The following CARS1 variants were observed in gnomAD, a reference collection of about 807,000 sequenced individuals.
CARS1 encodes the protein cysteine--tRNA ligase, cytoplasmic.
A neutral mutation model predicts 106.2 loss-of-function variants in CARS1; 48 were observed. The ratio of observed to expected loss-of-function variants is 0.45; its 90% confidence interval spans 0.36 to 0.57. The LOEUF is 0.57. CARS1 is among the 20% of genes least tolerant of loss of function. The probability of loss-of-function intolerance (pLI) is 0.00; values close to 1 mark genes in which losing one functional copy is unlikely to be tolerated. For synonymous variants in CARS1, 409 were observed against 403.4 expected (o/e 1.01, Z -0.17); for missense variants, 968 against 1,057.2 (o/e 0.92, Z 1.17).
Position 3,041,481 on chromosome 11 carries a change from C to T in CARS1, c.367-497G>A, listed in dbSNP as rs766310029. On this transcript the variant is annotated intron_variant, in intron 3 of 22. Coordinates refer to ENST00000380525, the MANE Select transcript of CARS1 (RefSeq NM_001014437.3). The surrounding 1 kb of genome is among the most constrained non-coding windows in gnomAD (Gnocchi z 4.9). ...GGCTTGGAGGCCAGGACCCCTGAAT[C>T]GTGGTGCTGCTCTGGCACCACTCCC... is the stretch of plus-strand genomic sequence containing the variant. Among the ~76,000 whole-genome samples, 1 of 152,136 alleles carries T rather than the reference C, an allele frequency of 6.6e-6. No homozygotes were observed. The highest frequency in any genetic ancestry group is 2.4e-5 in the African/African-American group (1 of 41,422).
rs190942296 is a variant in CARS1, at chr11:3,028,782, G to C, written c.1031+214C>G. 5.5e-6 allele frequency: 3 copies of C among 545,286 alleles called. No individual in the cohort carries two copies. Among genetic ancestry groups the C allele is most frequent in the Admixed American group, 3.3e-5 (1 of 29,876 alleles). The allele number at this position is 545,286 out of a possible 1,614,324, so 33.8% of individuals were successfully genotyped here. A position where few individuals can be genotyped will look rare whatever the true frequency, so the allele number is the denominator to read the frequency against. ...GAGCTTCCCAGCAGATTCTGGGTTA[G>C]GTTCTCACCATGGCCCCCAGGACAG... On this transcript the variant is annotated intron_variant, in intron 9 of 22. Coordinates refer to ENST00000380525, the MANE Select transcript of CARS1 (RefSeq NM_001014437.3). The surrounding 1 kb of genome is among the most constrained non-coding windows in gnomAD (Gnocchi z 4.4).
At position 3,048,211 on chromosome 11, in the gene CARS1, C is replaced by A; in HGVS notation, c.26-210G>T. 1 of 544,990 alleles carries A rather than the reference C, an allele frequency of 1.8e-6. No individual in the cohort carries two copies. The highest frequency in any genetic ancestry group is 3.2e-6 in the Non-Finnish European group (1 of 309,336). The allele number at this position is 544,990 out of a possible 1,614,324, so 33.8% of individuals were successfully genotyped here. On this transcript the variant is annotated intron_variant, in intron 1 of 22. Coordinates refer to ENST00000380525, the MANE Select transcript of CARS1 (RefSeq NM_001014437.3). This position sits in a 1 kb window ranked among gnomAD's most constrained non-coding sequence, Gnocchi z 5.1. Reference sequence around the variant, plus strand: ...ACTGCCTGACAGGTATGGATGGGTTCCCTCTTGGGTGATGAAAATGCTTTG... The same window carrying A: ...ACTGCCTGACAGGTATGGATGGGTTACCTCTTGGGTGATGAAAATGCTTTG...
rs1253693353 is a variant in CARS1 at position 3,054,701 on chromosome 11, T to C, written c.25+2642A>G. ...TTCTCTGAACCTCAGGATTCTCATC[T>C]GTACAAGATGCCGGCAGGATCTTCC... On this transcript the variant is annotated intron_variant, in intron 1 of 22. Transcript: ENST00000380525. 2.0e-5 allele frequency among the ~76,000 whole-genome samples: 3 copies of C among 152,248 alleles called. No homozygotes were observed. In the South Asian group the frequency reaches 6.2e-4, roughly 31 times the overall value.
rs1851407893 is a variant in CARS1 at position 3,019,857 on chromosome 11, C to A, written c.1266+363G>T. ...ATGGTCACGCCCCTTCCTAGGGTAC[C>A]CTGCAGTCAACAACTCCTGTCACCG... On this transcript the variant is annotated intron_variant, in intron 11 of 22. Transcript: ENST00000380525. The surrounding 1 kb of genome is among the most constrained non-coding windows in gnomAD (Gnocchi z 6.2). Among the ~76,000 whole-genome samples, 1 of 152,146 alleles carries A rather than the reference C, an allele frequency of 6.6e-6. No individual in the cohort carries two copies. Among genetic ancestry groups the A allele is most frequent in the African/African-American group, 2.4e-5 (1 of 41,424 alleles).
chr11:3,005,472 G>A (rs1849767119), intron 19 of CARS1, 39 bp from the exon 20 acceptor site: 7 of 1,555,248 alleles, frequency 4.5e-6, no homozygotes, highest in African/African-American at 2.7e-5. Flanking sequence ...TCTGGGCTCT[G>A]TGGGCCGTCC....
rs1851496365 is a variant in CARS1 at position 3,020,728 on chromosome 11, C to T, written c.1154-396G>A. ...GCCACTGGGGCATGGCTCAGGGATCCTGCCTGGTTCATGCGGGTGGGGTCA... is the reference window on the plus strand; with the variant it reads ...GCCACTGGGGCATGGCTCAGGGATCTTGCCTGGTTCATGCGGGTGGGGTCA... On this transcript the variant is annotated intron_variant, in intron 10 of 22. Transcript: ENST00000380525. The surrounding 1 kb of genome is among the most constrained non-coding windows in gnomAD (Gnocchi z 4.6). 6.6e-6 allele frequency among the ~76,000 whole-genome samples: 1 copy of T among 152,300 alleles called. No individual in the cohort carries two copies. The highest frequency in any genetic ancestry group is 2.1e-4 in the South Asian group (1 of 4,824).
chr11:3,013,418 C>T (rs1205961906), intron 17 of CARS1, among the ~76,000 whole-genome samples: 1 of 152,194 alleles, frequency 6.6e-6, no homozygotes, highest in Non-Finnish European at 1.5e-5. Flanking sequence ...TCCCAAAGTG[C>T]TGGGATTACA....
Position 3,017,937 on chromosome 11 carries a change from C to T in CARS1, c.1647G>A (p.Val549=). ...EKFLNEFFLN[V]KDILRAPVDI... ...CAACAGGAGCGCGAAGGATATCTTTCACATTTAAGAAAAACTCCTGAAGTT... is the reference window on the plus strand; with the variant it reads ...CAACAGGAGCGCGAAGGATATCTTTTACATTTAAGAAAAACTCCTGAAGTT... The change falls in exon 15 of 23, where the codon GTG becomes GTA. Residue 549 remains valine, a synonymous_variant. Transcript: ENST00000380525. The surrounding 1 kb of genome is among the most constrained non-coding windows in gnomAD (Gnocchi z 4.9). The T allele has an allele frequency of 6.2e-7, 1 of 1,613,180 alleles. No homozygotes were observed. Among genetic ancestry groups the T allele is most frequent in the South Asian group, 1.1e-5 (1 of 90,866 alleles).
At position 3,017,638 on chromosome 11, in the gene CARS1, C is replaced by T. The variant is rs7394974; in HGVS notation, c.1727+219G>A. 222,772 of 563,000 alleles carry T rather than the reference C, an allele frequency of 0.4. 45,483 individuals are homozygous for T. Among genetic ancestry groups the T allele is most frequent in the African/African-American group, 0.45 (24,064 of 52,978 alleles). The allele number at this position is 563,000 out of a possible 1,614,324, so 34.9% of individuals were successfully genotyped here. A position where few individuals can be genotyped will look rare whatever the true frequency, so the allele number is the denominator to read the frequency against. The stretch of plus-strand genomic sequence containing the variant: ...AGCCTGGGCAACAAGGGCGAAACTC[C>T]GTCTCAAAAAGAAAAAACAAAAAAG... On this transcript the variant is annotated intron_variant, in intron 15 of 22. Coordinates refer to ENST00000380525, the MANE Select transcript of CARS1 (RefSeq NM_001014437.3). This position sits in a 1 kb window ranked among gnomAD's most constrained non-coding sequence, Gnocchi z 4.9.
intron 1 of CARS1, chr11:3,055,041 T>A (rs1308288919): frequency 2.9e-6 from 2 of 692,170 alleles, no homozygotes; most frequent in African/African-American, 3.5e-5. Flanking sequence ...AAGGAAAAGC[T>A]GTACACCCAG....
In CARS1 at chr11:3,004,697, C is replaced by T. The variant is rs372624742; in HGVS notation, c.2217+669G>A. On this transcript the variant is annotated intron_variant, in intron 20 of 22. Coordinates refer to ENST00000380525, the MANE Select transcript of CARS1 (RefSeq NM_001014437.3). The surrounding 1 kb of genome is among the most constrained non-coding windows in gnomAD (Gnocchi z 5.2). ...TTGGGCACCGAGGAACTTGGGCCATCCCTGATCCTGGGGGCGTTGTGGGGT... is the reference window on the plus strand; with the variant it reads ...TTGGGCACCGAGGAACTTGGGCCATTCCTGATCCTGGGGGCGTTGTGGGGT... Among the ~76,000 whole-genome samples, 24 of 152,286 alleles carry T rather than the reference C, an allele frequency of 1.6e-4. No individual in the cohort carries two copies. In the East Asian group the frequency reaches 4.4e-3, roughly 28 times the overall value.
chr11:3,045,411 C>T lies in CARS1; in HGVS notation c.274+2342G>A, dbSNP rs1854977039. Among the ~76,000 whole-genome samples the T allele has an allele frequency of 6.6e-6, 1 of 152,138 alleles. No individual in the cohort carries two copies. Among genetic ancestry groups the T allele is most frequent in the Non-Finnish European group, 1.5e-5 (1 of 68,024 alleles). ...TCCCGAGTAGCTGGGACTATAGGCA[C>T]CCGCCATCACGCCCGGCTAATTTTT... is the stretch of plus-strand genomic sequence containing the variant. On this transcript the variant is annotated intron_variant, in intron 2 of 22. Transcript: ENST00000380525. This position sits in a 1 kb window ranked among gnomAD's most constrained non-coding sequence, Gnocchi z 5.6.
At position 3,025,238 on chromosome 11, in the gene CARS1, A is replaced by AT. The variant is rs999164611; in HGVS notation, c.1153+1437dup. Among the ~76,000 whole-genome samples the AT allele has an allele frequency of 6.1e-4, 92 of 152,032 alleles. 1 individual carries two copies. The highest frequency in any genetic ancestry group is 2.2e-3 in the African/African-American group (90 of 41,458). ...GTTGTCTGGTTTTATTTTATTATAT[A>AT]TTTTTTTGAGACAGAGTCTCATTCT... On this transcript the variant is annotated intron_variant, in intron 10 of 22. Coordinates refer to ENST00000380525, the MANE Select transcript of CARS1 (RefSeq NM_001014437.3).
chr11:3,035,531 G>T (rs577893276), intron 7 of CARS1, among the ~76,000 whole-genome samples: 2 of 152,240 alleles, frequency 1.3e-5, no homozygotes, highest in East Asian at 3.9e-4. Context: ...TGCTGCCCAG[G>T]CTGGAGTGCA....
At chr11:3,013,192 T>C (rs1462975386) in intron 17 of CARS1, among the ~76,000 whole-genome samples, 1 of 151,324 alleles carries the variant, frequency 6.6e-6, no homozygotes, top group East Asian at 1.9e-4. Flanking sequence ...TTTGCTCTCA[T>C]TGCCCAGACT....
Position 3,019,080 on chromosome 11 carries a change from C to A in CARS1, c.1395+59G>T. On this transcript the variant is annotated intron_variant, in intron 12 of 22. Coordinates refer to ENST00000380525, the MANE Select transcript of CARS1 (RefSeq NM_001014437.3). This position sits in a 1 kb window ranked among gnomAD's most constrained non-coding sequence, Gnocchi z 6.2. ...TCTGAGGCCTGGGCTGACTTTTCCT[C>A]CACTGCAGTATGAACACTGTGCTCT... The A allele has an allele frequency of 6.7e-7, 1 of 1,488,810 alleles. No homozygotes were observed. The highest frequency in any genetic ancestry group is 8.9e-7 in the Non-Finnish European group (1 of 1,119,008). The allele number at this position is 1,488,810 out of a possible 1,614,324, so 92.2% of individuals were successfully genotyped here.
rs1855805258 is a variant in CARS1, at chr11:3,052,562, T to C, written c.26-4561A>G. On this transcript the variant is annotated intron_variant, in intron 1 of 22. Transcript: ENST00000380525. The surrounding 1 kb of genome is among the most constrained non-coding windows in gnomAD (Gnocchi z 4.6). ...GATCTTGGATCACATAATTCTTAAA[T>C]GTACCGTCTAGAGCAGGCTAGACGG... Among the ~76,000 whole-genome samples, 1 of 152,314 alleles carries C rather than the reference T, an allele frequency of 6.6e-6. No individual in the cohort carries two copies. The highest frequency in any genetic ancestry group is 1.5e-5 in the Non-Finnish European group (1 of 68,036).
rs1404693558 is a variant in CARS1, at chr11:3,017,811, G to A, written c.1727+46C>T. ...TGGCCAAGATGCGAGGCTAGGCATA[G>A]AACATGGGCATGCTCAAAAACCCCA... On this transcript the variant is annotated intron_variant, in intron 15 of 22. Transcript: ENST00000380525. This position sits in a 1 kb window ranked among gnomAD's most constrained non-coding sequence, Gnocchi z 4.9. 1 of 1,312,784 alleles carries A rather than the reference G, an allele frequency of 7.6e-7. No individual in the cohort carries two copies. Among genetic ancestry groups the A allele is most frequent in the Non-Finnish European group, 1.1e-6 (1 of 905,924 alleles). 81.3% of individuals were successfully genotyped at this position (1,312,784 alleles called of 1,614,324 possible). A position where few individuals can be genotyped will look rare whatever the true frequency, so the allele number is the denominator to read the frequency against.
At chr11:3,026,980 C>A in intron 9 of CARS1, 183 bp from the exon 10 acceptor site, 1 of 651,364 alleles carries the variant, frequency 1.5e-6, no homozygotes, top group Non-Finnish European at 2.5e-6. Flanking sequence ...AGGGCCCATC[C>A]CGCTGCGGAG....
Sources: allele counts gnomAD v4.1 joint callset (sites outside exome capture counted in the v4.1 genomes callset), GRCh38; gene constraint gnomAD v4.1.1; non-coding constraint Gnocchi (gnomAD v3.1); transcripts MANE v1.5; gene names NCBI Gene and HGNC (gene_info 2026-07-23, HGNC 2026-07-21).